EIF3E: variants seen among roughly 807,000 people sequenced by gnomAD.
EIF3E encodes the protein eukaryotic translation initiation factor 3 subunit E, also known as eIF-3 p48.
A neutral mutation model predicts 59.3 loss-of-function variants in EIF3E; 25 were observed. The observed-to-expected ratio is 0.42, with a 90% confidence interval of 0.31 to 0.59. The LOEUF is 0.59. Ranked by LOEUF, EIF3E falls within the 20% of genes least tolerant of loss-of-function variation. The probability of loss-of-function intolerance (pLI) is 0.15; values close to 1 mark genes in which losing one functional copy is unlikely to be tolerated. For missense variants in EIF3E, 317 were observed against 534.3 expected (o/e 0.59, Z 4.01); for synonymous variants, 176 against 170.2 (o/e 1.03, Z -0.26).
rs1490740606 is a variant in EIF3E at position 108,201,932 on chromosome 8, T to C, written c.1300-9A>G. 3.8e-6 allele frequency: 6 copies of C among 1,575,726 alleles called. No homozygotes were observed. Among genetic ancestry groups the C allele is most frequent in the East Asian group, 2.3e-5 (1 of 43,926 alleles). Reference sequence around the variant, plus strand: ...GTTGCCCAGTTAGGAGCCTAAAATATGCAAAAAGAAATCAACACCGTGAAA... The same window carrying C: ...GTTGCCCAGTTAGGAGCCTAAAATACGCAAAAAGAAATCAACACCGTGAAA... On this transcript the variant is annotated splice_polypyrimidine_tract_variant and intron_variant, in intron 12 of 12. Transcript: ENST00000220849.
intron 6 of EIF3E, among the ~76,000 whole-genome samples, chr8:108,228,628 A>T (rs10046712): frequency 5.3e-5 from 8 of 152,174 alleles, no homozygotes; most frequent in Admixed American, 5.2e-4. Context: ...AAGACGCTCT[A>T]ATTTATAAAC....
At chr8:108,222,317 T>TTACAG (rs1451631964) in intron 7 of EIF3E, among the ~76,000 whole-genome samples, 10 of 152,246 alleles carry the variant, frequency 6.6e-5, no homozygotes, top group Middle Eastern at 3.4e-3. Flanking sequence ...GTAGCTGGGA[T>TTACAG]TACAGGGAGG....
chr8:108,243,638 GA>G (rs779684560), intron 1 of EIF3E, among the ~76,000 whole-genome samples: 3,922 of 70,928 alleles, frequency 0.055, 80 homozygotes, highest in African/African-American at 0.14. Context: ...CAAAAAAAAA[GA>G]AAAAAAAAAA....
chr8:108,204,235 GAA>G (rs1010032005), intron 10 of EIF3E, among the ~76,000 whole-genome samples: 1 of 151,912 alleles, frequency 6.6e-6, no homozygotes, highest in Admixed American at 6.6e-5. Flanking sequence ...GAAGACATAT[GAA>G]AAAGACACTT....
chr8:108,220,296 T>C (rs1815385740), intron 7 of EIF3E, among the ~76,000 whole-genome samples: 1 of 152,250 alleles, frequency 6.6e-6, no homozygotes, highest in Non-Finnish European at 1.5e-5. Flanking sequence ...TAGCGTGTCA[T>C]CACATTGCAG....
intron 1 of EIF3E, among the ~76,000 whole-genome samples, chr8:108,246,876 A>G (rs1393058607): frequency 1.3e-5 from 2 of 152,254 alleles, no homozygotes; most frequent in Admixed American, 6.5e-5. Context: ...ATAATACAGT[A>G]TAGAACACAT....
chr8:108,217,212 A>C, intron 8 of EIF3E, 122 bp downstream of exon 8: 18 of 713,136 alleles, frequency 2.5e-5, no homozygotes, highest in Non-Finnish European at 2.8e-5. Context: ...AACTTCAAGT[A>C]TTCCTTCCAC....
At chr8:108,241,451 C>CA (rs1198557661) in intron 2 of EIF3E, among the ~76,000 whole-genome samples, 3 of 150,454 alleles carry the variant, frequency 2.0e-5, no homozygotes, top group Non-Finnish European at 4.4e-5. Context: ...AAAAAAAACA[C>CA]AAAACTCTAA....
chr8:108,201,267 C>CTATATATATATATATATATATATATATA lies in EIF3E; in HGVS notation c.*617_*618insTATATATATATATATATATATATATATA, dbSNP rs1563624517. 7.9e-6 allele frequency: 1 copy of CTATATATATATATATATATATATATATA among 126,536 alleles called. No individual in the cohort carries two copies. Among genetic ancestry groups the CTATATATATATATATATATATATATATA allele is most frequent in the African/African-American group, 3.5e-5 (1 of 28,186 alleles). The allele number at this position is 126,536 out of a possible 1,614,324, so 7.8% of individuals were successfully genotyped here. A position where few individuals can be genotyped will look rare whatever the true frequency, so the allele number is the denominator to read the frequency against. ...CTACTGATCATATATATATATATAT[C>CTATATATATATATATATATATATATATA]TATCTCTCAACTTGGATGGCTCTCA... On this transcript the variant is annotated 3_prime_UTR_variant, in exon 13 of 13. Transcript: ENST00000220849.
chr8:108,218,237 T>C (rs1229067394), intron 7 of EIF3E, among the ~76,000 whole-genome samples: 1 of 152,144 alleles, frequency 6.6e-6, no homozygotes, highest in East Asian at 1.9e-4. Flanking sequence ...AAATTATCCA[T>C]CCAGCTACAT....
At chr8:108,208,862 C>G (rs944854551) in intron 10 of EIF3E, among the ~76,000 whole-genome samples, 1 of 152,044 alleles carries the variant, frequency 6.6e-6, no homozygotes, top group Admixed American at 6.5e-5. Context: ...CAGACACATA[C>G]CATAGCTGAT....
At chr8:108,221,573 C>T (rs1213520338) in intron 7 of EIF3E, 2 of 152,162 alleles carry the variant, frequency 1.3e-5, no homozygotes, top group Non-Finnish European at 2.9e-5. Context: ...AGTCGAAGTT[C>T]ACTTCTCTGT....
rs973984974 is a variant in EIF3E, at chr8:108,201,895, C to A, written c.1328G>T (p.Gly443Val). 7 of 1,567,064 alleles carry A rather than the reference C, an allele frequency of 4.5e-6. No individual in the cohort carries two copies. In the African/African-American group the frequency reaches 6.9e-5, roughly 15 times the overall value. ...EAPNWATQDS[G>V]FY ...TTTCTTTATGGTTCTTCAGTAGAAG[C>A]CAGAATCTTGAGTTGCCCAGTTAGG... The change falls in exon 13 of 13, where the codon GGC (glycine) becomes GTC (valine). Residue 443 changes from glycine to valine, a missense_variant. Gly to Val is a moderately radical substitution (Grantham distance 109). Around this residue, in one of 4 missense-constraint regions of EIF3E, gnomAD observed 45 missense variants for 97.8 expected, o/e 0.46. Transcript: ENST00000220849.
At chr8:108,223,131 A>G (rs756005489) in intron 7 of EIF3E, among the ~76,000 whole-genome samples, 48 of 152,234 alleles carry the variant, frequency 3.2e-4, no homozygotes, top group Non-Finnish European at 4.6e-4. Context: ...TGAAGCTATT[A>G]TAAGTTTTGT....
At chr8:108,204,762 G>C (rs946057361) in intron 10 of EIF3E, among the ~76,000 whole-genome samples, 2 of 129,972 alleles carry the variant, frequency 1.5e-5, no homozygotes, top group African/African-American at 6.8e-5. Context: ...GAGAGAGAGA[G>C]AGAGAGAGAG....
chr8:108,226,862 TA>T lies in EIF3E; in HGVS notation c.722+1404del, dbSNP rs547748438. On this transcript the variant is annotated intron_variant, in intron 7 of 12. Transcript: ENST00000220849. Reference sequence around the variant, plus strand: ...ACTGATCTGATAATGCCACACAGGGTATTTCAGATTTTGGAGGATATCAGCC... The same window carrying T: ...ACTGATCTGATAATGCCACACAGGGTTTTCAGATTTTGGAGGATATCAGCC... Among the ~76,000 whole-genome samples the T allele has an allele frequency of 8.3e-4, 126 of 152,306 alleles. 1 individual carries two copies. The highest frequency in any genetic ancestry group is 3.4e-3 in the Middle Eastern group (1 of 294).
chr8:108,216,964 T>TG (rs1815316500), intron 8 of EIF3E, among the ~76,000 whole-genome samples: 1 of 152,176 alleles, frequency 6.6e-6, no homozygotes, highest in Non-Finnish European at 1.5e-5. Flanking sequence ...TTGCCCAACT[T>TG]GGGGTCTATT....
intron 1 of EIF3E, among the ~76,000 whole-genome samples, chr8:108,246,740 A>G (rs1815957185): frequency 6.6e-6 from 1 of 152,130 alleles, no homozygotes; most frequent in African/African-American, 2.4e-5. Context: ...CCTCCTCCTC[A>G]GCCTACTCAA....
At chr8:108,238,996 G>A (rs997491248) in intron 3 of EIF3E, among the ~76,000 whole-genome samples, 8 of 152,106 alleles carry the variant, frequency 5.3e-5, no homozygotes, top group South Asian at 4.1e-4. Context: ...AAACAGTAAC[G>A]TCTATTTGTA....
Sources: gnomAD v4.1 joint callset for allele counts (sites outside exome capture counted in the v4.1 genomes callset) on GRCh38, gnomAD v4.1.1 for gene constraint, gnomAD v4.1.1 regional missense constraint, MANE v1.5 for transcripts, NCBI Gene and HGNC (gene_info 2026-07-23, HGNC 2026-07-21) for gene names.